The following SOCS3 variants were observed in gnomAD, a reference collection of about 807,000 sequenced individuals.
The protein encoded by SOCS3 is STAT-induced STAT inhibitor 3.
A neutral mutation model predicts 11.7 loss-of-function variants in SOCS3; 5 were observed. That is an observed-to-expected ratio of 0.43 (90% CI 0.22 to 0.90). The LOEUF (loss-of-function observed/expected upper bound fraction) is 0.90, where lower values mean the gene tolerates loss of function less well. Ranked by LOEUF, SOCS3 falls within the 40% of genes least tolerant of loss-of-function variation. SOCS3 has a pLI of 0.27. For synonymous variants in SOCS3, 143 were observed against 136.3 expected, an observed-to-expected ratio of 1.05 and a Z score of -0.34; for missense variants, 203 against 302.0, an observed-to-expected ratio of 0.67 and a Z score of 2.43.
In SOCS3 at chr17:78,360,009, G is replaced by T; in HGVS notation, c.-348C>A. 4.9e-6 allele frequency: 1 copy of T among 204,596 alleles called. No homozygotes were observed. Among genetic ancestry groups the T allele is most frequent in the South Asian group, 1.7e-4 (1 of 5,810 alleles). The allele number at this position is 204,596 out of a possible 1,614,324, so 12.7% of individuals were successfully genotyped here. On this transcript the variant is annotated 5_prime_UTR_variant, in exon 1 of 2. Transcript: ENST00000330871. This position sits in a 1 kb window ranked among gnomAD's most constrained non-coding sequence, Gnocchi z 5.6. ...GCCGCGGCGGGAGCTGGGCCGGGCGGGCGGCTGGCGGCTGGCTGCGTGCGG... is the reference window on the plus strand; with the variant it reads ...GCCGCGGCGGGAGCTGGGCCGGGCGTGCGGCTGGCGGCTGGCTGCGTGCGG...
In SOCS3 at chr17:78,359,149, C is replaced by T; in HGVS notation, c.-54G>A. 2 of 1,499,870 alleles carry T rather than the reference C, an allele frequency of 1.3e-6. No homozygotes were observed. The highest frequency in any genetic ancestry group is 1.8e-6 in the Non-Finnish European group (2 of 1,119,566). 92.9% of individuals were successfully genotyped at this position (1,499,870 alleles called of 1,614,324 possible). On this transcript the variant is annotated 5_prime_UTR_variant, in exon 2 of 2. Coordinates refer to ENST00000330871, the MANE Select transcript of SOCS3 (RefSeq NM_003955.5). The stretch of plus-strand genomic sequence containing the variant: ...GGCGGCGGCTGCAGCTGCTTCGCGG[C>T]CTCCGCACAGCGGCCGCTACCGCAT...
upstream of SOCS3, among the ~76,000 whole-genome samples, chr17:78,360,924 G>GC (rs2081607429): frequency 6.6e-6 from 1 of 152,222 alleles, no homozygotes; most frequent in Non-Finnish European, 1.5e-5. This position sits in a 1 kb window ranked among gnomAD's most constrained non-coding sequence, Gnocchi z 5.6. Context: ...TGGAACGATG[G>GC]CCCCAACCTA....
rs141953449 is a variant in SOCS3, at chr17:78,357,642, C to G, written c.*776G>C. 4 of 152,470 alleles carry G rather than the reference C, an allele frequency of 2.6e-5. No individual in the cohort carries two copies. Among genetic ancestry groups the G allele is most frequent in the South Asian group, 2.1e-4 (1 of 4,832 alleles). 9.4% of individuals were successfully genotyped at this position (152,470 alleles called of 1,614,324 possible). On this transcript the variant is annotated 3_prime_UTR_variant, in exon 2 of 2. Transcript: ENST00000330871. This position sits in a 1 kb window ranked among gnomAD's most constrained non-coding sequence, Gnocchi z 7.0. Reference sequence around the variant, plus strand: ...AGATGTCCCGTCTCCTCCATCCTCCCGCTCCATCCACCCAGGTACAGGAAG... The same window carrying G: ...AGATGTCCCGTCTCCTCCATCCTCCGGCTCCATCCACCCAGGTACAGGAAG...
At position 78,358,048 on chromosome 17, in the gene SOCS3, T is replaced by C; in HGVS notation, c.*370A>G. ...AAATCAAAGAGCAAACAAGTTCCGT[T>C]GGAAAGTTTGAAGATTCCCTGGCAG... On this transcript the variant is annotated 3_prime_UTR_variant, in exon 2 of 2. Transcript: ENST00000330871. This position sits in a 1 kb window ranked among gnomAD's most constrained non-coding sequence, Gnocchi z 4.7. The C allele has an allele frequency of 4.3e-6, 1 of 231,656 alleles. No individual in the cohort carries two copies. Among genetic ancestry groups the C allele is most frequent in the Admixed American group, 5.1e-5 (1 of 19,538 alleles). The allele number at this position is 231,656 out of a possible 1,614,324, so 14.4% of individuals were successfully genotyped here.
Position 78,358,252 on chromosome 17 carries a change from G to T in SOCS3, c.*166C>A. The T allele has an allele frequency of 1.5e-6, 1 of 652,598 alleles. No individual in the cohort carries two copies. The highest frequency in any genetic ancestry group is 2.6e-6 in the Non-Finnish European group (1 of 381,406). 40.4% of individuals were successfully genotyped at this position (652,598 alleles called of 1,614,324 possible). ...CCTCCAACACATTCCAGGTCCGCCT[G>T]CCACATTCTGCAGGGAGAGGGCAGA... is the stretch of plus-strand genomic sequence containing the variant. On this transcript the variant is annotated 3_prime_UTR_variant, in exon 2 of 2. Coordinates refer to ENST00000330871, the MANE Select transcript of SOCS3 (RefSeq NM_003955.5). This position sits in a 1 kb window ranked among gnomAD's most constrained non-coding sequence, Gnocchi z 4.7.
rs749701992 is a variant in SOCS3 at position 78,358,960 on chromosome 17, A to G, written c.136T>C (p.Phe46Leu). The change falls in exon 2 of 2, where the codon TTC (phenylalanine) becomes CTC (leucine). Residue 46 changes from phenylalanine (F) to leucine (L), a missense_variant. Transcript: ENST00000330871. The surrounding 1 kb of genome is among the most constrained non-coding windows in gnomAD (Gnocchi z 4.7). ...CCGCCGGTCACTGCGCTCCAGTAGA[A>G]GCCGCTCTCCTGCAGCTTGCGCACT... ...NAVRKLQESG[F>L]YWSAVTGGEA... is the part of the protein sequence containing the mutation. 1.3e-6 allele frequency: 2 copies of G among 1,585,488 alleles called. No individual in the cohort carries two copies. The highest frequency in any genetic ancestry group is 1.7e-6 in the Non-Finnish European group (2 of 1,166,748).
At position 78,358,284 on chromosome 17, in the gene SOCS3, G is replaced by C. The variant is rs1263413566; in HGVS notation, c.*134C>G. 5 of 795,924 alleles carry C rather than the reference G, an allele frequency of 6.3e-6. No homozygotes were observed. Among genetic ancestry groups the C allele is most frequent in the African/African-American group, 1.7e-5 (1 of 57,824 alleles). The allele number at this position is 795,924 out of a possible 1,614,324, so 49.3% of individuals were successfully genotyped here. ...TCTGCAGGGAGAGGGCAGAGGGAGG[G>C]GCCTGTCCGCCCTCTTTCCCCCCAG... On this transcript the variant is annotated 3_prime_UTR_variant, in exon 2 of 2. Transcript: ENST00000330871. This position sits in a 1 kb window ranked among gnomAD's most constrained non-coding sequence, Gnocchi z 4.7.
rs201810044 is a variant in SOCS3 at position 78,358,378 on chromosome 17, G to A, written c.*40C>T. On this transcript the variant is annotated 3_prime_UTR_variant, in exon 2 of 2. Transcript: ENST00000330871. This position sits in a 1 kb window ranked among gnomAD's most constrained non-coding sequence, Gnocchi z 4.7. ...TGTGCCACGGAGGAGAGGGGCCTGCGTCCCCTCTCCCGACCCATGCCCTTT... is the reference window on the plus strand; with the variant it reads ...TGTGCCACGGAGGAGAGGGGCCTGCATCCCCTCTCCCGACCCATGCCCTTT... The A allele has an allele frequency of 3.8e-5, 60 of 1,595,600 alleles. No homozygotes were observed. The African/African-American group carries it at 5.8e-4, about 15-fold the overall frequency.
intron 1 of SOCS3, 146 bp downstream of exon 1, chr17:78,359,604 G>C (rs116303707): frequency 6.5e-6 from 1 of 153,124 alleles, no homozygotes; most frequent in African/African-American, 2.4e-5. Flanking sequence ...GGAGTATTCC[G>C]GGAACCTGGG....
chr17:78,358,840 T>A lies in SOCS3; in HGVS notation c.256A>T (p.Thr86Ser). 1 of 1,612,966 alleles carries A rather than the reference T, an allele frequency of 6.2e-7. No individual in the cohort carries two copies. Among genetic ancestry groups the A allele is most frequent in the South Asian group, 1.1e-5 (1 of 91,008 alleles). ...CGCAGGTTCTTGGTCCCAGACTGGG[T>A]CTTGACGCTGAGCGTGAAGAAGTGG... ...QRHFFTLSVKTQSGTKNLRIQ... is the reference protein window; with the variant it reads ...QRHFFTLSVKSQSGTKNLRIQ... The change falls in exon 2 of 2, where the codon ACC (threonine) becomes TCC (serine). Residue 86 changes from threonine to serine, a missense_variant. Thr to Ser is a moderately conservative substitution (Grantham distance 58). Around this residue, in one of 3 missense-constraint regions of SOCS3, gnomAD observed 141 missense variants for 200.5 expected, o/e 0.70. Transcript: ENST00000330871. This position sits in a 1 kb window ranked among gnomAD's most constrained non-coding sequence, Gnocchi z 4.7.
upstream of SOCS3, among the ~76,000 whole-genome samples, chr17:78,360,256 G>A (rs2081601993): frequency 6.6e-6 from 1 of 150,802 alleles, no homozygotes. This position sits in a 1 kb window ranked among gnomAD's most constrained non-coding sequence, Gnocchi z 5.6. Flanking sequence ...GCAGGGGCAG[G>A]GACCGGGAGG....
In SOCS3 at chr17:78,358,135, A is replaced by G; in HGVS notation, c.*283T>C. 1 of 419,642 alleles carries G rather than the reference A, an allele frequency of 2.4e-6. No individual in the cohort carries two copies. Among genetic ancestry groups the G allele is most frequent in the Non-Finnish European group, 4.4e-6 (1 of 229,028 alleles). The allele number at this position is 419,642 out of a possible 1,614,324, so 26.0% of individuals were successfully genotyped here. A position where few individuals can be genotyped will look rare whatever the true frequency, so the allele number is the denominator to read the frequency against. ...TTGGAGGCAGAGGGGAAGCTGAGGA[A>G]TTGAAGGAGAATCCACTTGTGGTTG... On this transcript the variant is annotated 3_prime_UTR_variant, in exon 2 of 2. Transcript: ENST00000330871. The surrounding 1 kb of genome is among the most constrained non-coding windows in gnomAD (Gnocchi z 4.7).
In SOCS3 at chr17:78,358,271, G is replaced by T; in HGVS notation, c.*147C>A. 1 of 715,946 alleles carries T rather than the reference G, an allele frequency of 1.4e-6. No individual in the cohort carries two copies. The highest frequency in any genetic ancestry group is 2.3e-6 in the Non-Finnish European group (1 of 428,144). The allele number at this position is 715,946 out of a possible 1,614,324, so 44.3% of individuals were successfully genotyped here. A position where few individuals can be genotyped will look rare whatever the true frequency, so the allele number is the denominator to read the frequency against. ...CCGCCTGCCACATTCTGCAGGGAGA[G>T]GGCAGAGGGAGGGGCCTGTCCGCCC... On this transcript the variant is annotated 3_prime_UTR_variant, in exon 2 of 2. Transcript: ENST00000330871. The surrounding 1 kb of genome is among the most constrained non-coding windows in gnomAD (Gnocchi z 4.7).
At position 78,358,933 on chromosome 17, in the gene SOCS3, C is replaced by G; in HGVS notation, c.163G>C (p.Glu55Gln). 1 of 1,590,424 alleles carries G rather than the reference C, an allele frequency of 6.3e-7. No individual in the cohort carries two copies. The highest frequency in any genetic ancestry group is 1.1e-5 in the South Asian group (1 of 88,430). Residue 55 changes from glutamate (E) to glutamine (Q), a missense_variant, in exon 2 of 2, where the codon GAG (glutamate) becomes CAG (glutamine). Coordinates refer to ENST00000330871, the MANE Select transcript of SOCS3 (RefSeq NM_003955.5). The surrounding 1 kb of genome is among the most constrained non-coding windows in gnomAD (Gnocchi z 4.7). ...TCGGCACTGAGCAGCAGGTTCGCCT[C>G]GCCGCCGGTCACTGCGCTCCAGTAG... ...GFYWSAVTGG[E>Q]ANLLLSAEPA...
chr17:78,359,164 C>A lies in SOCS3; in HGVS notation c.-69G>T. On this transcript the variant is annotated 5_prime_UTR_variant, in exon 2 of 2. Transcript: ENST00000330871. The stretch of plus-strand genomic sequence containing the variant: ...TGCTTCGCGGCCTCCGCACAGCGGC[C>A]GCTACCGCATCCCGGGGGGCTGCGG... 1.4e-6 allele frequency: 2 copies of A among 1,463,270 alleles called. No homozygotes were observed. The highest frequency in any genetic ancestry group is 2.5e-5 in the East Asian group (1 of 39,786). The allele number at this position is 1,463,270 out of a possible 1,614,324, so 90.6% of individuals were successfully genotyped here. A position where few individuals can be genotyped will look rare whatever the true frequency, so the allele number is the denominator to read the frequency against.
rs1190972372 is a variant in SOCS3 at position 78,357,306 on chromosome 17, G to C, written c.*1112C>G. ...GGAGGGCTGTGCAGGGCTCGGGGCA[G>C]TGGGACCTGGTGGCTCTGCTCTGAC... On this transcript the variant is annotated 3_prime_UTR_variant, in exon 2 of 2. Coordinates refer to ENST00000330871, the MANE Select transcript of SOCS3 (RefSeq NM_003955.5). This position sits in a 1 kb window ranked among gnomAD's most constrained non-coding sequence, Gnocchi z 7.0. 1.3e-5 allele frequency: 2 copies of C among 152,258 alleles called. No homozygotes were observed. The highest frequency in any genetic ancestry group is 2.9e-5 in the Non-Finnish European group (2 of 68,110). 9.4% of individuals were successfully genotyped at this position (152,258 alleles called of 1,614,324 possible). A position where few individuals can be genotyped will look rare whatever the true frequency, so the allele number is the denominator to read the frequency against.
Position 78,357,605 on chromosome 17 carries a change from G to A in SOCS3, c.*813C>T, listed in dbSNP as rs2081577314. On this transcript the variant is annotated 3_prime_UTR_variant, in exon 2 of 2. Transcript: ENST00000330871. The surrounding 1 kb of genome is among the most constrained non-coding windows in gnomAD (Gnocchi z 7.0). The stretch of plus-strand genomic sequence containing the variant: ...GAATCCCCTGTCTTCTCTACCAGGA[G>A]CCTGAGGTGAAAGATGTCCCGTCTC... 6.6e-6 allele frequency: 1 copy of A among 152,322 alleles called. No homozygotes were observed. The allele number at this position is 152,322 out of a possible 1,614,324, so 9.4% of individuals were successfully genotyped here.
At chr17:78,360,596 G>C (rs929884939), upstream of SOCS3, 12 of 152,124 alleles carry the variant, frequency 7.9e-5, no homozygotes. This position sits in a 1 kb window ranked among gnomAD's most constrained non-coding sequence, Gnocchi z 5.6. Flanking sequence ...CAGGCGGCCC[G>C]GGCCAGCCGA....
Position 78,359,367 on chromosome 17 carries a change from G to A in SOCS3, c.-88-184C>T, listed in dbSNP as rs942019056. 2.9e-3 allele frequency among the ~76,000 whole-genome samples: 440 copies of A among 152,260 alleles called. 13 individuals are homozygous for A. Among genetic ancestry groups the A allele is most frequent in the Non-Finnish European group, 5.4e-4 (37 of 68,004 alleles). On this transcript the variant is annotated intron_variant, in intron 1 of 1. Transcript: ENST00000330871. ...CACGGCTCCCGCCCCTGCCGGCAGG[G>A]TGGCCCCGGGCAGCCCCTTCCCAGG...
Sources: gnomAD v4.1 joint callset for allele counts (sites outside exome capture counted in the v4.1 genomes callset) on GRCh38, gnomAD v4.1.1 for gene constraint, gnomAD v4.1.1 regional missense constraint, Gnocchi (gnomAD v3.1) non-coding constraint, MANE v1.5 for transcripts, NCBI Gene and HGNC (gene_info 2026-07-23, HGNC 2026-07-21) for gene names.